The following NHERF2 variants were observed in gnomAD, a reference collection of about 807,000 sequenced individuals.
The protein encoded by NHERF2 is Na(+)/H(+) exchange regulatory cofactor NHE-RF2.
At chr16:2,036,941 C>T in the NHERF2 span, 33 of 1,566,522 alleles carry the variant, frequency 2.1e-5, no homozygotes, top group African/African-American at 6.8e-5. Flanking sequence ...GCCACTGACA[C>T]GCTGTCCCCA....
the NHERF2 span, chr16:2,033,574 G>A: frequency 1.1e-6 from 1 of 907,660 alleles, no homozygotes; most frequent in Non-Finnish European, 1.6e-6. Flanking sequence ...TGCCAGGGCT[G>A]GTGCGTCACC....
the NHERF2 span, chr16:2,029,804 GGGACCACCCTAGCCTCTC>G: frequency 1.3e-6 from 2 of 1,536,974 alleles, no homozygotes; most frequent in Non-Finnish European, 8.8e-7. Flanking sequence ...TTGGCCCACA[GGGACCACCCTAGCCTCTC>G]CCAGAGGCTC....
chr16:2,035,256 C>A, the NHERF2 span: 16 of 301,798 alleles, frequency 5.3e-5, no homozygotes, highest in South Asian at 1.3e-4. Context: ...CGGTCCCCCC[C>A]GCTGACATGG....
chr16:2,027,236 C>T, the NHERF2 span: 5 of 1,261,332 alleles, frequency 4.0e-6, no homozygotes, highest in African/African-American at 1.6e-5. Flanking sequence ...CCAGCGCTCG[C>T]CCCCGGCCCG....
the NHERF2 span, among the ~76,000 whole-genome samples, chr16:2,034,003 G>C: frequency 6.6e-6 from 1 of 152,212 alleles, no homozygotes; most frequent in Admixed American, 6.5e-5. Context: ...GACAGAGGCA[G>C]AGGGGTGGCC....
chr16:2,036,680 G>A, the NHERF2 span: 3 of 1,599,354 alleles, frequency 1.9e-6, no homozygotes, highest in East Asian at 2.2e-5. Flanking sequence ...CGCGGCGTTG[G>A]GGGCTGTCTG....
the NHERF2 span, among the ~76,000 whole-genome samples, chr16:2,034,775 T>C: frequency 0.011 from 1,071 of 96,812 alleles, 5 homozygotes; most frequent in South Asian, 0.035. Context: ...GCCTGGGGGC[T>C]GTGCTCCACT....
the NHERF2 span, among the ~76,000 whole-genome samples, chr16:2,028,598 G>C: frequency 1.3e-5 from 2 of 152,316 alleles, no homozygotes; most frequent in South Asian, 4.1e-4. Context: ...TAGTCAAGAA[G>C]CAGCTGGGCA....
chr16:2,031,309 G>T, the NHERF2 span, among the ~76,000 whole-genome samples: 1 of 152,156 alleles, frequency 6.6e-6, no homozygotes, highest in Admixed American at 6.5e-5. Flanking sequence ...GGCTGGCCTT[G>T]CAGGGGGGCT....
chr16:2,027,203 C>T, the NHERF2 span: 4 of 1,400,386 alleles, frequency 2.9e-6, no homozygotes, highest in Admixed American at 5.4e-5. Context: ...ACGTGGAGGG[C>T]GAGACGCACC....
chr16:2,036,554 A>G, the NHERF2 span: 21 of 1,539,108 alleles, frequency 1.4e-5, no homozygotes, highest in Non-Finnish European at 1.8e-5. Context: ...ACCTGTCCAC[A>G]CTGGGGCCCT....
chr16:2,038,169 C>T, the NHERF2 span: 4 of 659,586 alleles, frequency 6.1e-6, no homozygotes, highest in South Asian at 7.7e-5. Context: ...CCTGTGGCAG[C>T]AAGATAGGGG....
the NHERF2 span, chr16:2,036,007 T>A: frequency 2.8e-6 from 1 of 354,600 alleles, no homozygotes; most frequent in Non-Finnish European, 5.1e-6. Context: ...ACGGCGACAG[T>A]TCATCCCACC....
the NHERF2 span, among the ~76,000 whole-genome samples, chr16:2,032,546 T>C: frequency 6.6e-6 from 1 of 152,228 alleles, no homozygotes; most frequent in Admixed American, 6.5e-5. The surrounding 1 kb of genome is among the most constrained non-coding windows in gnomAD (Gnocchi z 4.0). Context: ...GTGTAGTTTG[T>C]CTTTGGTGAA....
At chr16:2,028,641 G>C in the NHERF2 span, among the ~76,000 whole-genome samples, 2 of 152,124 alleles carry the variant, frequency 1.3e-5, no homozygotes, top group Admixed American at 1.3e-4. Flanking sequence ...TGGGTCATGG[G>C]GAGAGAGGAG....
At chr16:2,038,113 GC>G in the NHERF2 span, 1 of 1,162,150 alleles carries the variant, frequency 8.6e-7, no homozygotes, top group African/African-American at 1.5e-5. Flanking sequence ...ATCAGCCCCA[GC>G]CCCGGTGAGC....
At chr16:2,036,239 T>A in the NHERF2 span, 1 of 1,377,768 alleles carries the variant, frequency 7.3e-7, no homozygotes, top group East Asian at 2.5e-5. Context: ...GGTACCGAGT[T>A]TGGGCAGTGG....
At chr16:2,038,377 CAT>C in the NHERF2 span, 7,849 of 444,874 alleles carry the variant, frequency 0.018, 110 homozygotes, top group Non-Finnish European at 0.022. Flanking sequence ...CAGCTCCACA[CAT>C]GTTTCCACTT....
At chr16:2,027,254 C>G in the NHERF2 span, 2 of 1,226,048 alleles carry the variant, frequency 1.6e-6, no homozygotes, top group Non-Finnish European at 2.1e-6. Context: ...CCGCCGCCCC[C>G]TCCCCGAGCG....
Sources: allele counts gnomAD v4.1 joint callset (sites outside exome capture counted in the v4.1 genomes callset), GRCh38; gene constraint gnomAD v4.1.1; non-coding constraint Gnocchi (gnomAD v3.1); transcripts MANE v1.5; gene names NCBI Gene and HGNC (gene_info 2026-07-23, HGNC 2026-07-21).